TAFA1: variants seen among roughly 807,000 people sequenced by gnomAD.
TAFA1 encodes TAFA chemokine like family member 1.
A neutral mutation model predicts 18.5 loss-of-function variants in TAFA1; 4 were observed. The ratio of observed to expected loss-of-function variants is 0.22; its 90% confidence interval spans 0.11 to 0.49. TAFA1 has a LOEUF of 0.49. Among genes scored for constraint, TAFA1 ranks in the 20% least tolerant of loss-of-function variants. The pLI is 0.98. For missense variants in TAFA1, 147 were observed against 169.0 expected (o/e 0.87, Z 0.72); for synonymous variants, 56 against 55.2 (o/e 1.01, Z -0.06).
At chr3:68,259,790 A>G (rs2067374402) in intron 2 of TAFA1, among the ~76,000 whole-genome samples, 1 of 152,022 alleles carries the variant, frequency 6.6e-6, no homozygotes, top group Admixed American at 6.6e-5. Context: ...TTGATTTTGT[A>G]TCCTGAGACT....
chr3:68,196,985 A>G (rs1272399426), intron 2 of TAFA1, among the ~76,000 whole-genome samples: 1 of 151,770 alleles, frequency 6.6e-6, no homozygotes, highest in Non-Finnish European at 1.5e-5. Context: ...TGTTACCAGG[A>G]TAATGTGTGA....
intron 2 of TAFA1, among the ~76,000 whole-genome samples, chr3:68,127,104 T>C (rs896919563): frequency 6.6e-6 from 1 of 152,156 alleles, no homozygotes; most frequent in Non-Finnish European, 1.5e-5. Flanking sequence ...TCATGAATAA[T>C]CTTAGCTGAC....
intron 2 of TAFA1, among the ~76,000 whole-genome samples, chr3:68,214,142 C>A (rs2066627521): frequency 6.6e-6 from 1 of 152,050 alleles, no homozygotes; most frequent in Admixed American, 6.6e-5. Flanking sequence ...AATGGATCAG[C>A]TGGGATATTG....
At chr3:68,044,364 C>T (rs911169926) in intron 2 of TAFA1, among the ~76,000 whole-genome samples, 11 of 152,138 alleles carry the variant, frequency 7.2e-5, no homozygotes, top group African/African-American at 2.4e-4. Context: ...GATTACATAT[C>T]TGTTGAGTGA....
intron 3 of TAFA1, among the ~76,000 whole-genome samples, chr3:68,510,089 G>A (rs1050799753): frequency 6.6e-6 from 1 of 151,858 alleles, no homozygotes; most frequent in Non-Finnish European, 1.5e-5. Context: ...CTTCCTCTCG[G>A]GTTCAGGCAT....
intron 2 of TAFA1, among the ~76,000 whole-genome samples, chr3:68,160,160 A>G (rs2065908887): frequency 6.6e-6 from 1 of 152,226 alleles, no homozygotes; most frequent in African/African-American, 2.4e-5. Flanking sequence ...ACTGGAATAA[A>G]TGAAGTAACT....
chr3:68,391,283 GA>G (rs1247608306), intron 2 of TAFA1, among the ~76,000 whole-genome samples: 2 of 152,094 alleles, frequency 1.3e-5, no homozygotes, highest in Non-Finnish European at 2.9e-5. Flanking sequence ...TCAACTTAAT[GA>G]AATAAAGCAT....
chr3:68,141,192 G>A (rs2065663633), intron 2 of TAFA1, among the ~76,000 whole-genome samples: 2 of 152,154 alleles, frequency 1.3e-5, no homozygotes, highest in South Asian at 4.1e-4. Flanking sequence ...CAGCTTGTGA[G>A]AATCTACTTT....
At chr3:68,280,796 G>A (rs2067884735) in intron 2 of TAFA1, among the ~76,000 whole-genome samples, 1 of 152,106 alleles carries the variant, frequency 6.6e-6, no homozygotes, top group African/African-American at 2.4e-5. Flanking sequence ...GGAATCACAT[G>A]ACAATAATAA....
intron 2 of TAFA1, among the ~76,000 whole-genome samples, chr3:68,146,192 G>T (rs960805121): frequency 8.5e-5 from 13 of 152,190 alleles, no homozygotes; most frequent in African/African-American, 3.1e-4. Flanking sequence ...TTGGAATCCT[G>T]TCAAAATGCA....
chr3:68,474,055 C>G (rs1188314819), intron 3 of TAFA1, among the ~76,000 whole-genome samples: 3 of 149,132 alleles, frequency 2.0e-5, no homozygotes, highest in South Asian at 2.2e-4. Flanking sequence ...TATCACCCCC[C>G]CCCCCAAGTA....
intron 3 of TAFA1, 115 bp downstream of exon 3, chr3:68,417,535 T>G (rs2070863783): frequency 3.1e-6 from 3 of 969,938 alleles, no homozygotes; most frequent in Non-Finnish European, 4.6e-6. Context: ...TCCGAAGTGT[T>G]AGAAAGTTAT....
chr3:68,339,746 C>T (rs2069047658), intron 2 of TAFA1, among the ~76,000 whole-genome samples: 2 of 152,132 alleles, frequency 1.3e-5, no homozygotes, highest in South Asian at 2.1e-4. Context: ...AATCTTTTTT[C>T]CCCACCTCTT....
intron 2 of TAFA1, among the ~76,000 whole-genome samples, chr3:68,292,277 A>G (rs115997318): frequency 0.03 from 4,563 of 152,026 alleles, 113 homozygotes; most frequent in South Asian, 0.056. Context: ...CATCTTCTTT[A>G]TGGCTTTTCC....
chr3:68,184,585 C>T (rs145195031), intron 2 of TAFA1, among the ~76,000 whole-genome samples: 1,538 of 152,194 alleles, frequency 0.01, 25 homozygotes, highest in African/African-American at 0.036. Flanking sequence ...CATGTCTCTT[C>T]TATCCCTAAA....
chr3:68,289,490 G>A (rs2068072920), intron 2 of TAFA1, among the ~76,000 whole-genome samples: 1 of 152,210 alleles, frequency 6.6e-6, no homozygotes, highest in African/African-American at 2.4e-5. Flanking sequence ...TAGTGTGAGA[G>A]TCACAGGAAG....
chr3:68,111,468 A>G (rs1575621814), intron 2 of TAFA1, among the ~76,000 whole-genome samples: 1 of 152,170 alleles, frequency 6.6e-6, no homozygotes, highest in East Asian at 1.9e-4. Flanking sequence ...ATGTTCCCAG[A>G]GAGAAACTTA....
intron 2 of TAFA1, among the ~76,000 whole-genome samples, chr3:68,067,940 A>AAAAAAAC (rs1238951736): frequency 6.6e-6 from 1 of 152,070 alleles, no homozygotes; most frequent in East Asian, 1.9e-4. Context: ...AATGCTTTAC[A>AAAAAAAC]AAAAAACAAA....
chr3:68,503,925 A>G (rs923577198), intron 3 of TAFA1, among the ~76,000 whole-genome samples: 1 of 152,284 alleles, frequency 6.6e-6, no homozygotes, highest in Non-Finnish European at 1.5e-5. Flanking sequence ...CTTGATCATC[A>G]TCATTATATT....
Sources: allele counts gnomAD v4.1 joint callset (sites outside exome capture counted in the v4.1 genomes callset), GRCh38; gene constraint gnomAD v4.1.1; transcripts MANE v1.5; gene names NCBI Gene and HGNC (gene_info 2026-07-23, HGNC 2026-07-21).